The following NLK variants were observed in gnomAD, a reference collection of about 807,000 sequenced individuals.
NLK encodes the protein serine/threonine-protein kinase NLK.
Under a neutral mutation model 59.0 loss-of-function variants are expected in NLK, and 11 were observed. The observed-to-expected ratio is 0.19, with a 90% confidence interval of 0.12 to 0.31. NLK has a LOEUF of 0.31. Ranked by LOEUF, NLK falls within the 10% of genes least tolerant of loss-of-function variation. NLK has a pLI of 1.00. For synonymous variants in NLK, 235 were observed against 235.9 expected (o/e 1.00, Z 0.03); for missense variants, 410 against 661.1 (o/e 0.62, Z 4.16).
intron 3 of NLK, among the ~76,000 whole-genome samples, chr17:28,141,748 T>A (rs1907002485): frequency 6.6e-6 from 1 of 152,208 alleles, no homozygotes; most frequent in African/African-American, 2.4e-5. Context: ...ATCCCTTACC[T>A]TCTGAATGCA....
At chr17:28,143,139 G>A (rs1204073147) in intron 3 of NLK, among the ~76,000 whole-genome samples, 1 of 151,682 alleles carries the variant, frequency 6.6e-6, no homozygotes, top group South Asian at 2.1e-4. Flanking sequence ...CACCTCCTGG[G>A]TTCCAGCAAT....
At chr17:28,187,907 TAAAG>T (rs1276499199) in intron 8 of NLK, among the ~76,000 whole-genome samples, 3 of 152,074 alleles carry the variant, frequency 2.0e-5, no homozygotes, top group Non-Finnish European at 2.9e-5. Context: ...CATTTAAAAA[TAAAG>T]AAATTAGGCT....
chr17:28,101,503 A>C (rs1232250166), intron 1 of NLK, among the ~76,000 whole-genome samples: 1 of 152,178 alleles, frequency 6.6e-6, no homozygotes, highest in Non-Finnish European at 1.5e-5. Context: ...ATCTTTCATT[A>C]AATTTATTTG....
intron 1 of NLK, among the ~76,000 whole-genome samples, chr17:28,120,266 G>GTGTGTGTA (rs1164551382): frequency 1.3e-5 from 2 of 150,694 alleles, no homozygotes; most frequent in South Asian, 2.1e-4. Flanking sequence ...GTGTGTGTGT[G>GTGTGTGTA]TGTGTGTATG....
At chr17:28,196,925 G>A (rs936946831), downstream of NLK, among the ~76,000 whole-genome samples, 2 of 152,190 alleles carry the variant, frequency 1.3e-5, no homozygotes, top group African/African-American at 4.8e-5. Flanking sequence ...TGTAGGTGGC[G>A]TGTACTTCTC....
intron 3 of NLK, among the ~76,000 whole-genome samples, chr17:28,150,737 T>G (rs1044864735): frequency 6.6e-6 from 1 of 152,204 alleles, no homozygotes. Flanking sequence ...GCTACTTAAC[T>G]AATTGCTGCA....
intron 1 of NLK, among the ~76,000 whole-genome samples, chr17:28,104,462 G>T (rs1023805319): frequency 3.3e-5 from 5 of 152,102 alleles, no homozygotes; most frequent in African/African-American, 1.2e-4. Flanking sequence ...CACCATGTTG[G>T]TCAGGCTGGT....
intron 1 of NLK, among the ~76,000 whole-genome samples, chr17:28,093,083 G>A (rs918500942): frequency 6.6e-6 from 1 of 152,004 alleles, no homozygotes; most frequent in Non-Finnish European, 1.5e-5. Context: ...GTGAACCACC[G>A]CACCCGGCCT....
chr17:28,098,601 A>T (rs1253656035), intron 1 of NLK, among the ~76,000 whole-genome samples: 1 of 151,914 alleles, frequency 6.6e-6, no homozygotes, highest in African/African-American at 2.4e-5. Flanking sequence ...TTATTTAACC[A>T]ATCACCTATT....
intron 2 of NLK, among the ~76,000 whole-genome samples, chr17:28,125,757 T>C (rs781312767): frequency 1.1e-4 from 16 of 152,212 alleles, no homozygotes; most frequent in Non-Finnish European, 1.6e-4. Context: ...TTGTGTCCTA[T>C]GTAAGGAGTG....
At chr17:28,201,181 A>G (rs1909619811), downstream of NLK, among the ~76,000 whole-genome samples, 1 of 152,098 alleles carries the variant, frequency 6.6e-6, no homozygotes, top group Admixed American at 6.5e-5. Context: ...CCCAGGGTCA[A>G]GCAATTCTCA....
rs35187605 is a variant in NLK at position 28,194,983 on chromosome 17, TCACA to T, written c.*376_*379del. The T allele has an allele frequency of 1.2e-3, 192 of 158,428 alleles. No homozygotes were observed. Among genetic ancestry groups the T allele is most frequent in the East Asian group, 5.3e-3 (32 of 6,030 alleles). 9.8% of individuals were successfully genotyped at this position (158,428 alleles called of 1,614,324 possible). The stretch of plus-strand genomic sequence containing the variant: ...CTTTTCTAAAATGAAGTGAGATTGT[TCACA>T]CACACACACACACACACACACACAC... On this transcript the variant is annotated 3_prime_UTR_variant, in exon 11 of 11. Coordinates refer to ENST00000407008, the MANE Select transcript of NLK (RefSeq NM_016231.5).
intron 7 of NLK, among the ~76,000 whole-genome samples, chr17:28,182,272 TTTG>T (rs1908940222): frequency 6.6e-6 from 1 of 152,142 alleles, no homozygotes; most frequent in African/African-American, 2.4e-5. Context: ...TGTTTGTTTG[TTTG>T]TTGTTTGTTT....
At chr17:28,167,995 T>C (rs1908308684) in intron 5 of NLK, among the ~76,000 whole-genome samples, 2 of 151,964 alleles carry the variant, frequency 1.3e-5, no homozygotes, top group Non-Finnish European at 2.9e-5. Flanking sequence ...CCAGATTGTA[T>C]ATTGACATAA....
rs976343678 is a variant in NLK at position 28,194,585 on chromosome 17, C to A, written c.1533C>A (p.Ser511=). ...QSAAFKSFIS[S]TVAQPSEMPP... is the part of the protein sequence containing the mutation. ...CTCCATCTCTGTTTTCTTCCAGTTC[C>A]ACTGTTGCTCAGCCATCTGAGATGC... is the stretch of plus-strand genomic sequence containing the variant. Residue 511 remains serine, a synonymous_variant, in exon 11 of 11, where the codon TCC becomes TCA. Coordinates refer to ENST00000407008, the MANE Select transcript of NLK (RefSeq NM_016231.5). 2.2e-5 allele frequency: 35 copies of A among 1,595,378 alleles called. No homozygotes were observed. Among genetic ancestry groups the A allele is most frequent in the Non-Finnish European group, 3.0e-5 (35 of 1,165,912 alleles).
chr17:28,091,415 A>G (rs1904487905), intron 1 of NLK, among the ~76,000 whole-genome samples: 4 of 151,812 alleles, frequency 2.6e-5, no homozygotes. Context: ...TTATCTGGGC[A>G]ATGAGTACAC....
downstream of NLK, among the ~76,000 whole-genome samples, chr17:28,198,659 G>A (rs571829843): frequency 2.6e-5 from 4 of 152,072 alleles, no homozygotes; most frequent in East Asian, 3.9e-4. Flanking sequence ...ATTCTCTTCC[G>A]GAGTTTTATT....
At chr17:28,168,032 T>A (rs923881719) in intron 5 of NLK, among the ~76,000 whole-genome samples, 3 of 151,524 alleles carry the variant, frequency 2.0e-5, no homozygotes, top group African/African-American at 7.3e-5. Flanking sequence ...TCATTAAAAA[T>A]GTTCCAGAGT....
chr17:28,193,900 A>C (rs1909396650), intron 10 of NLK, among the ~76,000 whole-genome samples: 1 of 152,242 alleles, frequency 6.6e-6, no homozygotes, highest in Non-Finnish European at 1.5e-5. Context: ...TCAGTTAGGC[A>C]GTTTAGCAGC....
Sources: gnomAD v4.1 joint callset for allele counts (sites outside exome capture counted in the v4.1 genomes callset) on GRCh38, gnomAD v4.1.1 for gene constraint, MANE v1.5 for transcripts, NCBI Gene and HGNC (gene_info 2026-07-23, HGNC 2026-07-21) for gene names.